MGAT4C: variants seen among roughly 807,000 people sequenced by gnomAD.
MGAT4C encodes the protein alpha-1,3-mannosyl-glycoprotein 4-beta-N-acetylglucosaminyltransferase C.
In MGAT4C, 19 loss-of-function variants were observed where a neutral mutation model predicts 40.1. The ratio of observed to expected loss-of-function variants is 0.47; its 90% CI spans 0.33 to 0.70. MGAT4C has a LOEUF of 0.70. Ranked by LOEUF, MGAT4C falls within the 30% of genes least tolerant of loss-of-function variation. MGAT4C has a pLI of 0.02. For missense variants in MGAT4C, 491 were observed against 563.2 expected (o/e 0.87, Z 1.30); for synonymous variants, 181 against 187.1 (o/e 0.97, Z 0.27).
intron 2 of MGAT4C, among the ~76,000 whole-genome samples, chr12:86,039,373 G>A (rs1445402474): frequency 6.6e-6 from 1 of 151,860 alleles, no homozygotes; most frequent in Non-Finnish European, 1.5e-5. Context: ...ATGTAGATTT[G>A]GTCTTTTCAC....
intron 1 of MGAT4C, among the ~76,000 whole-genome samples, chr12:86,204,722 G>A (rs940802555): frequency 6.6e-6 from 1 of 152,022 alleles, no homozygotes; most frequent in Non-Finnish European, 1.5e-5. Flanking sequence ...CAGGATGATG[G>A]TGGGTCCCTA....
At chr12:85,995,897 C>G (rs1416920660) in intron 2 of MGAT4C, among the ~76,000 whole-genome samples, 2 of 152,118 alleles carry the variant, frequency 1.3e-5, no homozygotes, top group Non-Finnish European at 2.9e-5. Flanking sequence ...AAAAAGAATA[C>G]TCAGAAGCAT....
At chr12:86,201,578 A>G (rs1950052192) in intron 1 of MGAT4C, among the ~76,000 whole-genome samples, 1 of 150,970 alleles carries the variant, frequency 6.6e-6, no homozygotes, top group South Asian at 2.1e-4. Flanking sequence ...TATAATTCTT[A>G]TTATAAGAAA....
chr12:86,777,200 A>G (rs957265707), intron 1 of MGAT4C, among the ~76,000 whole-genome samples: 1 of 152,230 alleles, frequency 6.6e-6, no homozygotes, highest in Non-Finnish European at 1.5e-5. Context: ...ATATTTCACA[A>G]CATGATGTTT....
At chr12:86,104,156 C>T (rs77149821) in intron 1 of MGAT4C, among the ~76,000 whole-genome samples, 235 of 151,832 alleles carry the variant, frequency 1.5e-3, no homozygotes, top group African/African-American at 5.5e-3. Context: ...AACATTGTCT[C>T]TAAAGCCTGT....
At chr12:86,338,499 G>T (rs908979639) in intron 3 of MGAT4C, among the ~76,000 whole-genome samples, 2 of 152,132 alleles carry the variant, frequency 1.3e-5, no homozygotes, top group African/African-American at 2.4e-5. Context: ...GTAAGAAGGA[G>T]GTTTGTTTTG....
chr12:86,484,889 A>G (rs1182430396), intron 2 of MGAT4C, among the ~76,000 whole-genome samples: 1 of 152,150 alleles, frequency 6.6e-6, no homozygotes, highest in East Asian at 1.9e-4. Context: ...CACCACTGTG[A>G]ATTCAATGAA....
At chr12:86,289,163 A>C (rs577040700) in intron 4 of MGAT4C, among the ~76,000 whole-genome samples, 1 of 152,290 alleles carries the variant, frequency 6.6e-6, no homozygotes, top group South Asian at 2.1e-4. Flanking sequence ...TTGAACAGTA[A>C]GTCTTCTCTC....
intron 2 of MGAT4C, among the ~76,000 whole-genome samples, chr12:86,580,663 C>A (rs961731439): frequency 4.6e-5 from 7 of 151,442 alleles, no homozygotes; most frequent in African/African-American, 1.7e-4. Flanking sequence ...TTTCTTCAAA[C>A]CTTGCATCTT....
intron 1 of MGAT4C, among the ~76,000 whole-genome samples, chr12:86,825,112 G>A (rs912781185): frequency 2.0e-5 from 3 of 151,190 alleles, no homozygotes; most frequent in Admixed American, 6.6e-5. Context: ...ACTAATGTGA[G>A]GTTTCGGGTG....
At chr12:86,583,291 A>T (rs1306427396) in intron 2 of MGAT4C, among the ~76,000 whole-genome samples, 2 of 151,372 alleles carry the variant, frequency 1.3e-5, no homozygotes, top group Admixed American at 6.6e-5. Context: ...TGAGGAAATG[A>T]GTTTCCTACA....
At chr12:86,753,933 T>C (rs1230246818) in intron 1 of MGAT4C, among the ~76,000 whole-genome samples, 1 of 152,148 alleles carries the variant, frequency 6.6e-6, no homozygotes, top group African/African-American at 2.4e-5. Flanking sequence ...CACACAACTT[T>C]GGAGAATAAT....
At position 85,973,209 on chromosome 12, in the gene MGAT4C, C is replaced by T. The variant is rs2136662291; in HGVS notation, c.*6080G>A. 1 of 150,738 alleles carries T rather than the reference C, an allele frequency of 6.6e-6. No homozygotes were observed. Among genetic ancestry groups the T allele is most frequent in the African/African-American group, 2.4e-5 (1 of 41,378 alleles). 9.3% of individuals were successfully genotyped at this position (150,738 alleles called of 1,614,324 possible). A position where few individuals can be genotyped will look rare whatever the true frequency, so the allele number is the denominator to read the frequency against. On this transcript the variant is annotated 3_prime_UTR_variant, in exon 5 of 5. Coordinates refer to ENST00000611864, the MANE Select transcript of MGAT4C (RefSeq NM_001351288.2). The stretch of plus-strand genomic sequence containing the variant: ...GGAAGAGACAAATCCTACGTCTCTT[C>T]CAGAACTTCGAGTGCACTATAAATT...
intron 1 of MGAT4C, among the ~76,000 whole-genome samples, chr12:86,801,088 G>A (rs1287880866): frequency 1.3e-5 from 2 of 151,780 alleles, no homozygotes; most frequent in Non-Finnish European, 2.9e-5. Flanking sequence ...TGACTTTATG[G>A]CTGCACTTAT....
rs539097964 is a variant in MGAT4C, at chr12:86,157,182, AT to A, written c.-57+99056del. On this transcript the variant is annotated intron_variant, in intron 1 of 4. Transcript: ENST00000611864. ...AATATTTTTAATATATACATTTATA[AT>A]TTTTTTTAACGGAAAGTGCATTCAT... 7.1e-3 allele frequency among the ~76,000 whole-genome samples: 1,083 copies of A among 151,956 alleles called. 7 individuals carry two copies. Among genetic ancestry groups the A allele is most frequent in the African/African-American group, 0.016 (666 of 41,472 alleles).
At chr12:86,480,126 A>G (rs1210010306) in intron 2 of MGAT4C, among the ~76,000 whole-genome samples, 1 of 151,742 alleles carries the variant, frequency 6.6e-6, no homozygotes, top group East Asian at 1.9e-4. Context: ...ACACAGTCAT[A>G]TTATTTTTAT....
chr12:86,220,547 C>T (rs1423011454), intron 1 of MGAT4C, among the ~76,000 whole-genome samples: 7 of 152,118 alleles, frequency 4.6e-5, no homozygotes, highest in African/African-American at 1.7e-4. Flanking sequence ...TGCAATGATT[C>T]AACAATAGAG....
At position 85,999,105 on chromosome 12, in the gene MGAT4C, C is replaced by T. The variant is rs139836139; in HGVS notation, c.-6-9553G>A. Among the ~76,000 whole-genome samples the T allele has an allele frequency of 7.3e-3, 1,113 of 152,198 alleles. 9 individuals carry two copies. The highest frequency in any genetic ancestry group is 0.011 in the Non-Finnish European group (752 of 68,012). On this transcript the variant is annotated intron_variant, in intron 2 of 4. Transcript: ENST00000611864. ...CATGGATGGCAACAGGCAAAGAGAG[C>T]TTGTGCAGAGGAACTCCTCTTTATA...
At chr12:86,625,659 T>C (rs193058081) in intron 2 of MGAT4C, among the ~76,000 whole-genome samples, 62 of 152,278 alleles carry the variant, frequency 4.1e-4, no homozygotes, top group African/African-American at 1.3e-3. Flanking sequence ...TTGGGAGTCC[T>C]GTAAGAAGAC....
Sources: allele counts gnomAD v4.1 joint callset (sites outside exome capture counted in the v4.1 genomes callset), GRCh38; gene constraint gnomAD v4.1.1; transcripts MANE v1.5; gene names NCBI Gene and HGNC (gene_info 2026-07-23, HGNC 2026-07-21).